The following PPP1R37 variants were observed in gnomAD, a reference collection of about 807,000 sequenced individuals.
PPP1R37 encodes protein phosphatase 1 regulatory subunit 37, also known as leucine rich repeat containing 68.
A neutral mutation model predicts 61.0 loss-of-function variants in PPP1R37; 21 were observed. That is an observed-to-expected ratio of 0.34 (90% confidence interval 0.24 to 0.50). The LOEUF is 0.50. Ranked by LOEUF, PPP1R37 falls within the 20% of genes least tolerant of loss-of-function variation. The pLI, the probability that PPP1R37 is intolerant of heterozygous loss-of-function variation, is 0.98. For missense variants in PPP1R37, 910 were observed against 952.7 expected (o/e 0.96, Z 0.59); for synonymous variants, 443 against 433.5 (o/e 1.02, Z -0.27).
intron 1 of PPP1R37, among the ~76,000 whole-genome samples, chr19:45,110,829 A>G (rs1190990684): frequency 6.6e-6 from 1 of 152,164 alleles, no homozygotes; most frequent in Non-Finnish European, 1.5e-5. Context: ...TACAGTTTCT[A>G]AAATTCCAAT....
chr19:45,102,066 G>A (rs150125978), intron 1 of PPP1R37, among the ~76,000 whole-genome samples: 3 of 152,252 alleles, frequency 2.0e-5, no homozygotes, highest in East Asian at 3.9e-4. Context: ...GGGACATCCT[G>A]CCCCTGCATG....
At chr19:45,094,146 T>C (rs942166752) in intron 1 of PPP1R37, among the ~76,000 whole-genome samples, 1 of 151,930 alleles carries the variant, frequency 6.6e-6, no homozygotes, top group African/African-American at 2.4e-5. Context: ...GGCAGTGTGG[T>C]TTTTATGTTT....
chr19:45,136,226 C>CA (rs535608737), intron 1 of PPP1R37: 152 of 152,336 alleles, frequency 1.0e-3, no homozygotes, highest in African/African-American at 3.3e-3. Flanking sequence ...CCTTCAGTCT[C>CA]AGAGTAGTGA....
At chr19:45,094,115 TG>T (rs1452588138) in intron 1 of PPP1R37, among the ~76,000 whole-genome samples, 1 of 152,078 alleles carries the variant, frequency 6.6e-6, no homozygotes, top group Non-Finnish European at 1.5e-5. Flanking sequence ...GGTCAATTTG[TG>T]GTTGGGTGAG....
intron 1 of PPP1R37, among the ~76,000 whole-genome samples, chr19:45,112,615 T>C (rs990449353): frequency 1.3e-5 from 2 of 152,100 alleles, no homozygotes; most frequent in African/African-American, 4.8e-5. Flanking sequence ...CCAGTGGTGT[T>C]AGATGGTCCC....
chr19:45,138,655 G>A (rs1390014756), intron 2 of PPP1R37, 44 bp downstream of exon 2: 1 of 1,419,012 alleles, frequency 7.0e-7, no homozygotes, highest in Non-Finnish European at 9.6e-7. Flanking sequence ...GGGTGTCAAG[G>A]GGGGCCCTAG....
chr19:45,111,781 C>A (rs10407374), intron 1 of PPP1R37, among the ~76,000 whole-genome samples: 21,258 of 121,466 alleles, frequency 0.18, 1,679 homozygotes, highest in Non-Finnish European at 0.19. Flanking sequence ...TTGCGGGGGG[C>A]GGGGGTGGAT....
intron 12 of PPP1R37, 30 bp downstream of exon 12, chr19:45,146,510 C>A: frequency 1.4e-6 from 2 of 1,457,998 alleles, no homozygotes; most frequent in South Asian, 2.4e-5. Context: ...CCACAGCACT[C>A]GGGAGGAGCT....
At chr19:45,128,811 C>G in intron 1 of PPP1R37, 1 of 619,858 alleles carries the variant, frequency 1.6e-6, no homozygotes, top group South Asian at 1.7e-5. Flanking sequence ...TGTGGGTGTC[C>G]CCAGCATCAA....
At chr19:45,113,750 CAG>C (rs1217358865) in intron 1 of PPP1R37, among the ~76,000 whole-genome samples, 1 of 152,224 alleles carries the variant, frequency 6.6e-6, no homozygotes, top group South Asian at 2.1e-4. Flanking sequence ...TGAGCTCACT[CAG>C]AGAGTTCTCT....
In PPP1R37 at chr19:45,144,997, T is replaced by C; in HGVS notation, c.1129+2T>C. Reference sequence around the variant, plus strand: ...CCTCCACCAAGCTCACGTGCGAGGGTAGGGTACGGGGCCGGGCCAGGGTGC... The same window carrying C: ...CCTCCACCAAGCTCACGTGCGAGGGCAGGGTACGGGGCCGGGCCAGGGTGC... On this transcript the variant is annotated splice_donor_variant, in intron 9 of 12. Transcript: ENST00000221462. LOFTEE classifies it high-confidence loss of function. The C allele has an allele frequency of 6.5e-7, 1 of 1,533,796 alleles. No individual in the cohort carries two copies. Among genetic ancestry groups the C allele is most frequent in the Non-Finnish European group, 8.7e-7 (1 of 1,145,970 alleles).
intron 1 of PPP1R37, among the ~76,000 whole-genome samples, chr19:45,116,614 G>A (rs1464383844): frequency 1.3e-5 from 2 of 152,200 alleles, no homozygotes; most frequent in Non-Finnish European, 2.9e-5. Context: ...GACGCATTGC[G>A]GGCTCCCTTC....
chr19:45,096,666 G>T (rs1052785988), intron 1 of PPP1R37, among the ~76,000 whole-genome samples: 2 of 152,132 alleles, frequency 1.3e-5, no homozygotes, highest in African/African-American at 4.8e-5. Flanking sequence ...TTAGAGGAGG[G>T]GTGCCGGTTG....
At chr19:45,096,838 G>A (rs1425291607) in intron 1 of PPP1R37, among the ~76,000 whole-genome samples, 1 of 152,176 alleles carries the variant, frequency 6.6e-6, no homozygotes, top group Non-Finnish European at 1.5e-5. Context: ...TGGACTGGAA[G>A]AATTGGTCCA....
At chr19:45,120,227 C>T (rs1459443989) in intron 1 of PPP1R37, among the ~76,000 whole-genome samples, 2 of 152,064 alleles carry the variant, frequency 1.3e-5, no homozygotes, top group African/African-American at 2.4e-5. Context: ...CTGTGTTAGC[C>T]AGGATGGTCT....
At chr19:45,125,836 G>A (rs934027673) in intron 1 of PPP1R37, among the ~76,000 whole-genome samples, 1 of 152,242 alleles carries the variant, frequency 6.6e-6, no homozygotes, top group Admixed American at 6.5e-5. Flanking sequence ...GACAGGAAGA[G>A]AAGTGGGCCA....
At chr19:45,125,092 T>A (rs1968387398) in intron 1 of PPP1R37, among the ~76,000 whole-genome samples, 1 of 152,076 alleles carries the variant, frequency 6.6e-6, no homozygotes, top group South Asian at 2.1e-4. Flanking sequence ...AAGAGGAGAT[T>A]TGTTGTCTTA....
intron 1 of PPP1R37, among the ~76,000 whole-genome samples, chr19:45,119,118 A>G (rs1019833275): frequency 3.3e-5 from 5 of 151,572 alleles, no homozygotes; most frequent in Admixed American, 3.3e-4. Flanking sequence ...CCTCCCGAGT[A>G]GCTGGGATTA....
At chr19:45,095,419 G>A (rs1967979797) in intron 1 of PPP1R37, among the ~76,000 whole-genome samples, 1 of 152,106 alleles carries the variant, frequency 6.6e-6, no homozygotes, top group Admixed American at 6.5e-5. Flanking sequence ...TTACCGGCAT[G>A]AGCCACCGTG....
Sources: gnomAD v4.1 joint callset for allele counts (sites outside exome capture counted in the v4.1 genomes callset) on GRCh38, gnomAD v4.1.1 for gene constraint, MANE v1.5 for transcripts, NCBI Gene and HGNC (gene_info 2026-07-23, HGNC 2026-07-21) for gene names.